NRXN2: variants seen among roughly 807,000 people sequenced by gnomAD.
NRXN2 encodes the protein neurexin-2-beta.
NRXN2 carries 29 observed loss-of-function variants against 128.8 expected under a neutral mutation model. The ratio of observed to expected loss-of-function variants is 0.23; its 90% confidence interval spans 0.17 to 0.31. The LOEUF (loss-of-function observed/expected upper bound fraction) is 0.31, where lower values mean the gene tolerates loss of function less well. Ranked by LOEUF, NRXN2 falls within the 10% of genes least tolerant of loss-of-function variation. NRXN2 has a pLI of 1.00. For synonymous variants in NRXN2, 1,098 were observed against 1,075.2 expected (o/e 1.02, Z -0.41); for missense variants, 1,881 against 2,452.6 (o/e 0.77, Z 4.92).
intron 12 of NRXN2, among the ~76,000 whole-genome samples, chr11:64,653,394 C>T (rs1220346144): frequency 6.6e-6 from 1 of 152,142 alleles, no homozygotes; most frequent in Non-Finnish European, 1.5e-5. Flanking sequence ...TTTCTACCTC[C>T]TCCCCACCCT....
chr11:64,647,393 A>C (rs1478220557), intron 17 of NRXN2, among the ~76,000 whole-genome samples: 1 of 152,020 alleles, frequency 6.6e-6, no homozygotes, highest in African/African-American at 2.4e-5. Context: ...GAAATGCCAA[A>C]GCTACCCCAC....
chr11:64,699,277 G>A (rs139962410), intron 2 of NRXN2, among the ~76,000 whole-genome samples: 229 of 152,210 alleles, frequency 1.5e-3, no homozygotes, highest in African/African-American at 5.0e-3. Context: ...TACAGCCAGC[G>A]ATGAACACAG....
chr11:64,710,057 G>A (rs901036103), intron 2 of NRXN2, among the ~76,000 whole-genome samples: 2 of 151,836 alleles, frequency 1.3e-5, no homozygotes, highest in South Asian at 2.1e-4. Context: ...ACAAGTGCCC[G>A]CCACCATGCC....
chr11:64,618,669 T>C (rs1010262473), intron 22 of NRXN2, among the ~76,000 whole-genome samples: 1 of 151,914 alleles, frequency 6.6e-6, no homozygotes, highest in Non-Finnish European at 1.5e-5. Flanking sequence ...GGCATTGGAG[T>C]GTACATCCTT....
chr11:64,702,036 C>G (rs942480906), intron 2 of NRXN2, among the ~76,000 whole-genome samples: 1 of 149,412 alleles, frequency 6.7e-6, no homozygotes, highest in African/African-American at 2.5e-5. Flanking sequence ...CCAGCCGCCC[C>G]GTCCGGGAGG....
At chr11:64,626,320 A>G in intron 20 of NRXN2, 143 bp downstream of exon 20, 1 of 673,962 alleles carries the variant, frequency 1.5e-6, no homozygotes. Context: ...TCCAAAGGGG[A>G]AGGGAGCATT....
At position 64,662,620 on chromosome 11, in the gene NRXN2, C is replaced by T. The variant is rs373278707; in HGVS notation, c.1799-1481G>A. 5.0e-3 allele frequency among the ~76,000 whole-genome samples: 760 copies of T among 151,718 alleles called. 9 individuals carry two copies. Among genetic ancestry groups the T allele is most frequent in the Non-Finnish European group, 8.2e-3 (560 of 67,886 alleles). On this transcript the variant is annotated intron_variant, in intron 9 of 22. Transcript: ENST00000265459. ...CACGGTGAAACCCTGTCTCTACTAA[C>T]AAAGACAAAAAATTAGCTGGGCGTG... is the stretch of plus-strand genomic sequence containing the variant.
At chr11:64,702,971 TAAAAAAAAAA>T (rs557268486) in intron 2 of NRXN2, among the ~76,000 whole-genome samples, 8 of 51,160 alleles carry the variant, frequency 1.6e-4, no homozygotes, top group African/African-American at 6.2e-4. Context: ...CCCAGGTCTC[TAAAAAAAAAA>T]AAAAAAAAAA....
intron 17 of NRXN2, among the ~76,000 whole-genome samples, chr11:64,638,141 C>A (rs1227590423): frequency 6.6e-6 from 1 of 152,136 alleles, no homozygotes; most frequent in Non-Finnish European, 1.5e-5. Context: ...CGCACGCGTC[C>A]CCGCCCCCGA....
chr11:64,702,797 T>TA (rs1201426445), intron 2 of NRXN2, among the ~76,000 whole-genome samples: 75 of 55,404 alleles, frequency 1.4e-3, no homozygotes, highest in African/African-American at 2.6e-3. Context: ...GAATGATCAA[T>TA]AAAAAAAAAA....
In NRXN2 at chr11:64,648,076, G is replaced by T; in HGVS notation, c.3403+143C>A. 8.3e-7 allele frequency: 1 copy of T among 1,202,146 alleles called. No homozygotes were observed. The highest frequency in any genetic ancestry group is 1.2e-6 in the Non-Finnish European group (1 of 834,754). The allele number at this position is 1,202,146 out of a possible 1,614,324, so 74.5% of individuals were successfully genotyped here. A position where few individuals can be genotyped will look rare whatever the true frequency, so the allele number is the denominator to read the frequency against. On this transcript the variant is annotated intron_variant, in intron 17 of 22. Transcript: ENST00000265459. This position sits in a 1 kb window ranked among gnomAD's most constrained non-coding sequence, Gnocchi z 4.1. Reference sequence around the variant, plus strand: ...GGGGACAGCAGGCCACAGCTCCCCTGGGACTCTGCAGACAAGGGATGAGAA... The same window carrying T: ...GGGGACAGCAGGCCACAGCTCCCCTTGGACTCTGCAGACAAGGGATGAGAA...
At chr11:64,679,214 G>T (rs972806085) in intron 6 of NRXN2, among the ~76,000 whole-genome samples, 1 of 152,208 alleles carries the variant, frequency 6.6e-6, no homozygotes, top group Non-Finnish European at 1.5e-5. Flanking sequence ...GGAAGAAAAA[G>T]GCATTGGAGG....
At chr11:64,678,982 G>C (rs1019309452) in intron 6 of NRXN2, among the ~76,000 whole-genome samples, 1 of 152,222 alleles carries the variant, frequency 6.6e-6, no homozygotes, top group African/African-American at 2.4e-5. Flanking sequence ...TAGTGATGCA[G>C]AAGCAGTTTA....
At chr11:64,679,554 G>A (rs12417551) in intron 6 of NRXN2, among the ~76,000 whole-genome samples, 18,119 of 151,964 alleles carry the variant, frequency 0.12, 1,419 homozygotes, top group East Asian at 0.3. Flanking sequence ...GGAGAATGGC[G>A]TGAACCCAGG....
intron 2 of NRXN2, chr11:64,712,715 G>C (rs2057055252): frequency 1.5e-6 from 1 of 646,660 alleles, no homozygotes; most frequent in Non-Finnish European, 2.9e-6. Context: ...GACCACACAG[G>C]CTGCCCACAG....
At chr11:64,720,546 G>C (rs1030248285) in intron 1 of NRXN2, among the ~76,000 whole-genome samples, 4 of 152,202 alleles carry the variant, frequency 2.6e-5, no homozygotes, top group Non-Finnish European at 5.9e-5. Flanking sequence ...ACTGGGAAGG[G>C]TCGTGGTTGT....
In NRXN2 at chr11:64,607,605, T is replaced by C. The variant is rs2039844832; in HGVS notation, c.4730A>G (p.Asn1577Ser). Residue 1577 changes from asparagine to serine, a missense_variant, in exon 23 of 23, where the codon AAC becomes AGC. Asn to Ser is a conservative substitution (Grantham distance 46). This residue lies in a region of NRXN2 where 310 missense variants were observed against 318.2 expected (regional missense o/e 0.97). Transcript: ENST00000265459. The part of the protein sequence containing the change: ...HRDPLQPLLE[N>S]PPLGPGAPTS... ...GGGGGCCCCGGGCCCCAAGGGCGGG[T>C]TCTCCAGCAAGGGCTGAAGCGGGTC... is the stretch of plus-strand genomic sequence containing the variant. 1.3e-6 allele frequency: 2 copies of C among 1,534,436 alleles called. No individual in the cohort carries two copies. Among genetic ancestry groups the C allele is most frequent in the Middle Eastern group, 1.7e-4 (1 of 5,886 alleles).
chr11:64,665,449 C>A (rs372089765), intron 9 of NRXN2, among the ~76,000 whole-genome samples: 2 of 152,354 alleles, frequency 1.3e-5, no homozygotes, highest in East Asian at 3.9e-4. Context: ...CTGCAGTGCC[C>A]TGCAAGGCTT....
rs1332880377 is a variant in NRXN2 at position 64,607,179 on chromosome 11, G to C, written c.*17C>G. 2 of 1,608,466 alleles carry C rather than the reference G, an allele frequency of 1.2e-6. No homozygotes were observed. The highest frequency in any genetic ancestry group is 1.7e-6 in the Non-Finnish European group (2 of 1,176,154). ...TCCCAGGAGGGGCAGCTGGCAGTGGGGCGCAGTGCCGGGGGCTCAGACATA... is the reference window on the plus strand; with the variant it reads ...TCCCAGGAGGGGCAGCTGGCAGTGGCGCGCAGTGCCGGGGGCTCAGACATA... On this transcript the variant is annotated 3_prime_UTR_variant, in exon 23 of 23. Transcript: ENST00000265459.
Sources: gnomAD v4.1 joint callset for allele counts (sites outside exome capture counted in the v4.1 genomes callset) on GRCh38, gnomAD v4.1.1 for gene constraint, gnomAD v4.1.1 regional missense constraint, Gnocchi (gnomAD v3.1) non-coding constraint, MANE v1.5 for transcripts, NCBI Gene and HGNC (gene_info 2026-07-23, HGNC 2026-07-21) for gene names.